ARMC2: variants seen among roughly 807,000 people sequenced by gnomAD.
ARMC2 encodes the protein armadillo repeat-containing protein 2.
ARMC2 carries 67 observed loss-of-function variants against 90.3 expected under a neutral mutation model. The ratio of observed to expected loss-of-function variants is 0.74; its 90% CI spans 0.61 to 0.91. The LOEUF (loss-of-function observed/expected upper bound fraction) is 0.91, where lower values mean the gene tolerates loss of function less well. Ranked by LOEUF, ARMC2 falls within the 40% of genes least tolerant of loss-of-function variation. ARMC2 has a pLI of 0.00. For synonymous variants in ARMC2, 393 were observed against 393.0 expected, an observed-to-expected ratio of 1.00 and a Z score of 0.00; for missense variants, 920 against 1,030.9, an observed-to-expected ratio of 0.89 and a Z score of 1.47.
intron 12 of ARMC2, among the ~76,000 whole-genome samples, chr6:108,939,830 G>T (rs1776288386): frequency 6.6e-6 from 1 of 152,100 alleles, no homozygotes; most frequent in South Asian, 2.1e-4. Flanking sequence ...AATCATTGTG[G>T]CAAAAATCAT....
the ARMC2 span, chr6:108,990,918 C>T: frequency 4.1e-6 from 5 of 1,228,378 alleles, no homozygotes; most frequent in Non-Finnish European, 5.6e-6. Flanking sequence ...TGGTAAAAAT[C>T]ATTGTCATTT....
At chr6:109,017,378 C>T in the ARMC2 span, among the ~76,000 whole-genome samples, 266 of 152,214 alleles carry the variant, frequency 1.7e-3, no homozygotes, top group Non-Finnish European at 2.3e-3. Flanking sequence ...CTCCACTGCC[C>T]GGGTTCACAC....
the ARMC2 span, chr6:109,009,430 A>T: frequency 7.2e-7 from 1 of 1,386,428 alleles, no homozygotes. Flanking sequence ...GGGGCCGTGT[A>T]CGCCTCGTTC....
chr6:109,051,674 C>A, the ARMC2 span, among the ~76,000 whole-genome samples: 3 of 152,128 alleles, frequency 2.0e-5, no homozygotes, highest in Non-Finnish European at 4.4e-5. Flanking sequence ...TTGTCTTACT[C>A]CATTTTGTGC....
intron 1 of ARMC2, among the ~76,000 whole-genome samples, chr6:108,851,808 C>G (rs949968333): frequency 6.6e-6 from 1 of 152,116 alleles, no homozygotes; most frequent in Non-Finnish European, 1.5e-5. Flanking sequence ...TTCTATCCAC[C>G]TTGCAAAATT....
intron 3 of ARMC2, among the ~76,000 whole-genome samples, chr6:108,863,303 AAACCCCTAGCCTC>A (rs1775471018): frequency 6.6e-6 from 1 of 152,106 alleles, no homozygotes; most frequent in Admixed American, 6.5e-5. Flanking sequence ...GGCTGGTCTC[AAACCCCTAGCCTC>A]AAGTGATCCC....
rs1778912994 is a variant in ARMC2 at position 108,973,762 on chromosome 6, T to G, written c.*248T>G. On this transcript the variant is annotated 3_prime_UTR_variant, in exon 18 of 18. Coordinates refer to ENST00000392644, the MANE Select transcript of ARMC2 (RefSeq NM_032131.6). The stretch of plus-strand genomic sequence containing the variant: ...AGATGAAAATATGTGCATTTTCAAG[T>G]AAATGACTTTTTCTTCTATTCTCTA... The G allele has an allele frequency of 8.9e-6, 3 of 338,306 alleles. No homozygotes were observed. Among genetic ancestry groups the G allele is most frequent in the Non-Finnish European group, 1.6e-5 (3 of 186,486 alleles). The allele number at this position is 338,306 out of a possible 1,614,324, so 21.0% of individuals were successfully genotyped here. A position where few individuals can be genotyped will look rare whatever the true frequency, so the allele number is the denominator to read the frequency against.
the ARMC2 span, chr6:108,998,803 A>G: frequency 6.5e-6 from 10 of 1,550,216 alleles, no homozygotes; most frequent in African/African-American, 1.4e-5. Flanking sequence ...GGGGTGTGGT[A>G]AAAGTATACA....
intron 1 of ARMC2, among the ~76,000 whole-genome samples, chr6:108,850,582 G>A (rs184680737): frequency 4.5e-4 from 68 of 152,290 alleles, no homozygotes; most frequent in Non-Finnish European, 8.2e-4. Flanking sequence ...ACAGGGAAAG[G>A]AGGCTAAATC....
At chr6:108,939,312 T>C (rs1180371054) in intron 12 of ARMC2, among the ~76,000 whole-genome samples, 1 of 152,196 alleles carries the variant, frequency 6.6e-6, no homozygotes, top group African/African-American at 2.4e-5. Context: ...AAATCTCCTG[T>C]TGAATTGTAA....
chr6:108,891,038 GATGGTTTC>G (rs1770976129), intron 5 of ARMC2, among the ~76,000 whole-genome samples: 4 of 151,880 alleles, frequency 2.6e-5, no homozygotes, highest in African/African-American at 4.8e-5. Context: ...TGCTGAGAAT[GATGGTTTC>G]CAGCTTCATC....
intron 4 of ARMC2, among the ~76,000 whole-genome samples, chr6:108,874,020 A>G (rs772426894): frequency 3.3e-5 from 5 of 152,262 alleles, no homozygotes; most frequent in Non-Finnish European, 7.3e-5. Context: ...GTGAACCTGA[A>G]CTGGTCCTGT....
chr6:108,942,080 G>A (rs1776483924), intron 12 of ARMC2, among the ~76,000 whole-genome samples: 2 of 152,050 alleles, frequency 1.3e-5, no homozygotes, highest in Non-Finnish European at 2.9e-5. Context: ...TCTCCAAATG[G>A]TTATCATTAT....
intron 3 of ARMC2, among the ~76,000 whole-genome samples, chr6:108,865,990 C>T (rs1394910679): frequency 1.3e-5 from 2 of 148,814 alleles, no homozygotes; most frequent in African/African-American, 5.0e-5. Flanking sequence ...GCACTCCAGC[C>T]TGGGTGACAG....
chr6:109,007,540 T>C, the ARMC2 span, among the ~76,000 whole-genome samples: 1 of 152,180 alleles, frequency 6.6e-6, no homozygotes, highest in Non-Finnish European at 1.5e-5. Context: ...CATGTGTTTT[T>C]TGAAAAACAT....
the ARMC2 span, chr6:109,001,429 A>G: frequency 3.7e-6 from 6 of 1,613,928 alleles, no homozygotes; most frequent in Non-Finnish European, 4.2e-6. Context: ...GGCCCAAAGC[A>G]GCAAAAGAAT....
chr6:108,942,704 T>C (rs1446034773), intron 12 of ARMC2, among the ~76,000 whole-genome samples: 2 of 152,172 alleles, frequency 1.3e-5, no homozygotes, highest in South Asian at 2.1e-4. Flanking sequence ...ACACAGCCAT[T>C]GCCAAGTGAT....
chr6:108,859,271 G>T (rs1018145517), intron 3 of ARMC2, among the ~76,000 whole-genome samples: 1 of 152,066 alleles, frequency 6.6e-6, no homozygotes, highest in Non-Finnish European at 1.5e-5. Flanking sequence ...CTTTCCCTGA[G>T]CACCTGGTGC....
the ARMC2 span, chr6:108,987,563 A>G: frequency 1.3e-5 from 20 of 1,598,334 alleles, no homozygotes; most frequent in Non-Finnish European, 9.4e-6. Flanking sequence ...ATAGCGGGTA[A>G]TGGCTCTCAG....
Sources: allele counts gnomAD v4.1 joint callset (sites outside exome capture counted in the v4.1 genomes callset), GRCh38; gene constraint gnomAD v4.1.1; transcripts MANE v1.5; gene names NCBI Gene and HGNC (gene_info 2026-07-23, HGNC 2026-07-21).